PDIA5: variants seen among roughly 807,000 people sequenced by gnomAD.
The protein encoded by PDIA5 is protein disulfide isomerase family A member 5, also known as protein disulfide-isomerase A5.
In PDIA5, 58 loss-of-function variants were observed where a neutral mutation model predicts 77.6. The ratio of observed to expected loss-of-function variants is 0.75; its 90% CI spans 0.61 to 0.93. The LOEUF is 0.93. PDIA5 is among the 40% of genes least tolerant of loss of function. The pLI, the probability that PDIA5 is intolerant of heterozygous loss-of-function variation, is 0.00. For synonymous variants in PDIA5, 250 were observed against 252.1 expected (o/e 0.99, Z 0.08); for missense variants, 630 against 647.7 (o/e 0.97, Z 0.30).
At chr3:123,113,365 T>G (rs1404916639) in intron 7 of PDIA5, among the ~76,000 whole-genome samples, 1 of 152,192 alleles carries the variant, frequency 6.6e-6, no homozygotes, top group Non-Finnish European at 1.5e-5. Context: ...CCAGGCTGTG[T>G]GGCAGTGTGC....
At chr3:123,131,656 C>T (rs189854632) in intron 11 of PDIA5, among the ~76,000 whole-genome samples, 2 of 149,462 alleles carry the variant, frequency 1.3e-5, no homozygotes, top group Admixed American at 1.3e-4. Context: ...GAAATGACCA[C>T]AGTGAATCAA....
intron 1 of PDIA5, among the ~76,000 whole-genome samples, chr3:123,070,760 G>A (rs547772353): frequency 1.3e-5 from 2 of 152,208 alleles, no homozygotes; most frequent in South Asian, 2.1e-4. Context: ...CTCTAGGGCC[G>A]TCCATGCTGA....
intron 10 of PDIA5, among the ~76,000 whole-genome samples, chr3:123,125,335 C>T (rs538412228): frequency 1.3e-5 from 2 of 152,312 alleles, no homozygotes; most frequent in African/African-American, 4.8e-5. Context: ...CTCACAACAG[C>T]ACTGTAAGGA....
chr3:123,149,264 G>C (rs1273335277), intron 13 of PDIA5, among the ~76,000 whole-genome samples: 1 of 152,244 alleles, frequency 6.6e-6, no homozygotes, highest in African/African-American at 2.4e-5. Flanking sequence ...GCTTGGATGA[G>C]AGGTGAGGCC....
intron 11 of PDIA5, 67 bp from the exon 12 acceptor site, chr3:123,145,455 C>A: frequency 8.5e-7 from 1 of 1,182,884 alleles, no homozygotes; most frequent in Non-Finnish European, 1.3e-6. Context: ...CTTACAGAGG[C>A]GGCGCAGGGG....
chr3:123,139,724 C>T (rs1935580781), intron 11 of PDIA5, among the ~76,000 whole-genome samples: 1 of 152,150 alleles, frequency 6.6e-6, no homozygotes, highest in Non-Finnish European at 1.5e-5. Context: ...GAGTGCAAGC[C>T]ATGACCCTTG....
Position 123,130,532 on chromosome 3 carries a change from G to A in PDIA5, c.826G>A (p.Gly276Ser), listed in dbSNP as rs750390528. Reference protein sequence around the residue: ...VPETPWADEGGSVYHLTDEDF... With the variant: ...VPETPWADEGSSVYHLTDEDF... ...TGAGACTCCCTGGGCAGATGAGGGC[G>A]GCTCCGTTTATCACCTGACCGATGA... Residue 276 changes from glycine to serine, a missense_variant, in exon 11 of 17, where the codon GGC (glycine) becomes AGC (serine). Gly to Ser is a moderately conservative substitution (Grantham distance 56, BLOSUM62 0). Transcript: ENST00000316218. 33 of 1,613,988 alleles carry A rather than the reference G, an allele frequency of 2.0e-5. No individual in the cohort carries two copies. Among genetic ancestry groups the A allele is most frequent in the African/African-American group, 2.7e-5 (2 of 74,922 alleles).
chr3:123,124,100 T>G lies in PDIA5; in HGVS notation c.644T>G (p.Phe215Cys). 1 of 1,614,138 alleles carries G rather than the reference T, an allele frequency of 6.2e-7. No homozygotes were observed. Among genetic ancestry groups the G allele is most frequent in the Non-Finnish European group, 8.5e-7 (1 of 1,179,988 alleles). ...GGGATGAATGTCTACTCCTCTGAAT[T>G]TGAAAACATCAAGGAGGAGTACAGC... ...LAGMNVYSSE[F>C]ENIKEEYSVR... Residue 215 changes from phenylalanine (F) to cysteine (C), a missense_variant, in exon 9 of 17, where the codon TTT (phenylalanine) becomes TGT (cysteine). By Grantham distance (205) the Phe-to-Cys change is radical. Transcript: ENST00000316218.
intron 1 of PDIA5, among the ~76,000 whole-genome samples, chr3:123,078,947 T>C (rs1221304199): frequency 6.6e-6 from 1 of 152,208 alleles, no homozygotes; most frequent in Non-Finnish European, 1.5e-5. Flanking sequence ...ACTGTAAAGA[T>C]ACATTTTCTG....
intron 8 of PDIA5, 150 bp from the exon 9 acceptor site, chr3:123,123,916 C>A: frequency 1.6e-6 from 1 of 625,682 alleles, no homozygotes; most frequent in Non-Finnish European, 2.8e-6. Context: ...CTTCGCTGGC[C>A]TTGTTTCTCA....
intron 11 of PDIA5, among the ~76,000 whole-genome samples, chr3:123,136,257 A>G (rs1935500411): frequency 6.6e-6 from 1 of 152,206 alleles, no homozygotes; most frequent in African/African-American, 2.4e-5. Flanking sequence ...TAATTGCACA[A>G]ATAATTTAAG....
At chr3:123,112,648 AAAT>A (rs1934893720) in intron 7 of PDIA5, among the ~76,000 whole-genome samples, 1 of 148,240 alleles carries the variant, frequency 6.7e-6, no homozygotes, top group South Asian at 2.1e-4. Flanking sequence ...CCCCGGGTTC[AAAT>A]GGTTCAAATG....
chr3:123,099,939 C>T (rs1053008540), intron 3 of PDIA5, among the ~76,000 whole-genome samples: 10 of 152,242 alleles, frequency 6.6e-5, no homozygotes, highest in African/African-American at 2.4e-4. Flanking sequence ...TCTGAGCCCC[C>T]AGGCAGGAAC....
intron 1 of PDIA5, among the ~76,000 whole-genome samples, chr3:123,076,571 A>T (rs1933865112): frequency 6.6e-6 from 1 of 152,244 alleles, no homozygotes; most frequent in Non-Finnish European, 1.5e-5. Context: ...ACAGTGGCTT[A>T]GACTCTCAGC....
intron 1 of PDIA5, among the ~76,000 whole-genome samples, chr3:123,087,156 G>A (rs1934161351): frequency 1.3e-5 from 2 of 152,016 alleles, no homozygotes; most frequent in Admixed American, 6.6e-5. Flanking sequence ...CTTCAGTTTT[G>A]GAACATTTTC....
chr3:123,080,153 T>TG (rs879799837), intron 1 of PDIA5, among the ~76,000 whole-genome samples: 186 of 149,212 alleles, frequency 1.2e-3, no homozygotes, highest in Non-Finnish European at 2.2e-3. Context: ...GATGGGTGTG[T>TG]GTGTGGGGGG....
chr3:123,154,498 G>A (rs920325449), intron 14 of PDIA5, among the ~76,000 whole-genome samples: 7 of 152,172 alleles, frequency 4.6e-5, no homozygotes, highest in Non-Finnish European at 1.0e-4. Context: ...TGAGCAGTGG[G>A]TGCAGAGTAG....
chr3:123,092,972 A>G (rs1169023479), intron 3 of PDIA5, among the ~76,000 whole-genome samples: 1 of 152,214 alleles, frequency 6.6e-6, no homozygotes, highest in Non-Finnish European at 1.5e-5. Context: ...AAGGTCTTCT[A>G]AATCTTTAAT....
intron 6 of PDIA5, among the ~76,000 whole-genome samples, chr3:123,109,231 A>G (rs975696747): frequency 1.3e-5 from 2 of 152,250 alleles, no homozygotes; most frequent in Non-Finnish European, 2.9e-5. Flanking sequence ...AATAATGAAA[A>G]GTTCCAAATT....
Sources: allele counts gnomAD v4.1 joint callset (sites outside exome capture counted in the v4.1 genomes callset), GRCh38; gene constraint gnomAD v4.1.1; transcripts MANE v1.5; gene names NCBI Gene and HGNC (gene_info 2026-07-23, HGNC 2026-07-21).